The following WDFY3 variants were observed in gnomAD, a reference collection of about 807,000 sequenced individuals.
WDFY3 encodes WD repeat and FYVE domain containing 3, also known as WD repeat and FYVE domain-containing protein 3.
WDFY3 carries 66 observed loss-of-function variants against 409.6 expected under a neutral mutation model. That is an observed-to-expected ratio of 0.16 (90% CI 0.13 to 0.20). The LOEUF (loss-of-function observed/expected upper bound fraction) is 0.20. Among genes scored for constraint, WDFY3 ranks in the 10% least tolerant of loss-of-function variants. The pLI is 1.00. For missense variants in WDFY3, 3,031 were observed against 4,298.1 expected (o/e 0.71, Z 8.24); for synonymous variants, 1,521 against 1,537.1 (o/e 0.99, Z 0.25).
chr4:84,675,281 C>T (rs1201616411), intron 67 of WDFY3, among the ~76,000 whole-genome samples: 2 of 151,864 alleles, frequency 1.3e-5, no homozygotes, highest in African/African-American at 4.8e-5. Flanking sequence ...TAGAGCAGGC[C>T]TTTCAAAGCA....
intron 3 of WDFY3, among the ~76,000 whole-genome samples, chr4:84,885,526 T>C (rs1203108025): frequency 1.3e-5 from 2 of 152,038 alleles, no homozygotes; most frequent in African/African-American, 4.8e-5. Flanking sequence ...AGAAGATATT[T>C]AAAATATCCA....
chr4:84,708,880 C>T, intron 53 of WDFY3, 29 bp downstream of exon 53: 1 of 1,606,154 alleles, frequency 6.2e-7, no homozygotes, highest in African/African-American at 1.3e-5. Flanking sequence ...AAAATGTGTT[C>T]TACGTAAGCA....
chr4:84,684,066 A>G lies in WDFY3; in HGVS notation c.9603T>C (p.Pro3201=). ...YIHVWSINGN[P]IVSVNTFTGR... ...CTGTGAACGTGTTGACACTCACGAT[A>G]GGGTTCCCATTGATGCTCCACACAT... is the stretch of plus-strand genomic sequence containing the variant. The change falls in exon 63 of 68, where the codon CCT becomes CCC. Residue 3201 remains proline, a synonymous_variant. Transcript: ENST00000295888. 1 of 1,613,202 alleles carries G rather than the reference A, an allele frequency of 6.2e-7. No homozygotes were observed. Among genetic ancestry groups the G allele is most frequent in the South Asian group, 1.1e-5 (1 of 91,010 alleles).
chr4:84,935,158 C>G lies in WDFY3; in HGVS notation c.-225-2795G>C. Among the ~76,000 whole-genome samples the G allele has an allele frequency of 1.3e-5, 2 of 152,064 alleles. 1 individual carries two copies. Among genetic ancestry groups the G allele is most frequent in the Non-Finnish European group, 2.9e-5 (2 of 67,978 alleles). On this transcript the variant is annotated intron_variant, in intron 1 of 67. Transcript: ENST00000295888. ...ATTTTCCCCTCCAAGTTTTGTTTTGCTATTATGAACATTTATGTTATGAAA... is the reference window on the plus strand; with the variant it reads ...ATTTTCCCCTCCAAGTTTTGTTTTGGTATTATGAACATTTATGTTATGAAA...
At chr4:84,930,565 C>T (rs909492261) in intron 2 of WDFY3, among the ~76,000 whole-genome samples, 5 of 152,160 alleles carry the variant, frequency 3.3e-5, no homozygotes, top group Non-Finnish European at 7.4e-5. Context: ...AAGTAATTTA[C>T]CCAAAATCAC....
At chr4:84,726,937 C>A in intron 44 of WDFY3, 26 bp from the exon 45 acceptor site, 1 of 1,560,514 alleles carries the variant, frequency 6.4e-7, no homozygotes, top group Non-Finnish European at 8.6e-7. Context: ...TAAGTATAGA[C>A]ATATCAGAAA....
In WDFY3 at chr4:84,819,081, G is replaced by A. The variant is rs146371049; in HGVS notation, c.1693+1004C>T. Among the ~76,000 whole-genome samples the A allele has an allele frequency of 4.3e-3, 654 of 152,112 alleles. 4 individuals are homozygous for A. The highest frequency in any genetic ancestry group is 0.015 in the African/African-American group (612 of 41,532). ...TCCACTAAAATTCATCATACTCATT[G>A]TTTCAATTACCTGTTAAATTCATTC... On this transcript the variant is annotated intron_variant, in intron 12 of 67. Coordinates refer to ENST00000295888, the MANE Select transcript of WDFY3 (RefSeq NM_014991.6).
chr4:84,732,455 C>T (rs1449979470), intron 44 of WDFY3, among the ~76,000 whole-genome samples: 1 of 152,132 alleles, frequency 6.6e-6, no homozygotes, highest in Non-Finnish European at 1.5e-5. Flanking sequence ...ATTATAGTCA[C>T]TATGGAATGT....
chr4:84,718,411 C>T lies in WDFY3; in HGVS notation c.7754+11G>A. 1 of 1,609,876 alleles carries T rather than the reference C, an allele frequency of 6.2e-7. No individual in the cohort carries two copies. Among genetic ancestry groups the T allele is most frequent in the Non-Finnish European group, 8.5e-7 (1 of 1,178,182 alleles). ...TAGCCATACATTATGTCTCTTCATT[C>T]ATTTACTTACTTTGGAGGTAAGGTT... On this transcript the variant is annotated intron_variant, in intron 48 of 67. Coordinates refer to ENST00000295888, the MANE Select transcript of WDFY3 (RefSeq NM_014991.6).
At chr4:84,857,888 C>G (rs929952593) in intron 4 of WDFY3, among the ~76,000 whole-genome samples, 4 of 152,150 alleles carry the variant, frequency 2.6e-5, no homozygotes, top group African/African-American at 7.2e-5. Context: ...CACTCTTGCC[C>G]TTCTGCCTTA....
rs147343864 is a variant in WDFY3 at position 84,960,839 on chromosome 4, C to T, written c.-226+5370G>A. ...CTGAATGAATGATATCTTATTCCAA[C>T]GGGGCAACCCAGTATTCTACTACTG... On this transcript the variant is annotated intron_variant, in intron 1 of 67. Transcript: ENST00000295888. 4.6e-5 allele frequency among the ~76,000 whole-genome samples: 7 copies of T among 152,264 alleles called. No homozygotes were observed. The East Asian group carries it at 5.8e-4, about 13-fold the overall frequency.
Position 84,679,387 on chromosome 4 carries a change from G to C in WDFY3, c.9824-145C>G, listed in dbSNP as rs535465149. ...AAGTGTAACAAAAAAGAAAGTAAGT[G>C]CCAGGATTTTTGGCTAGAGTACAGA... On this transcript the variant is annotated intron_variant, in intron 64 of 67. Transcript: ENST00000295888. The C allele has an allele frequency of 3.6e-6, 3 of 844,930 alleles. No homozygotes were observed. In the African/African-American group the frequency reaches 5.3e-5, roughly 15 times the overall value. The allele number at this position is 844,930 out of a possible 1,614,324, so 52.3% of individuals were successfully genotyped here.
intron 8 of WDFY3, among the ~76,000 whole-genome samples, 191 bp downstream of exon 8, chr4:84,831,222 A>G (rs1486409764): frequency 6.6e-6 from 1 of 151,902 alleles, no homozygotes; most frequent in Non-Finnish European, 1.5e-5. Context: ...ATTGTTCAGA[A>G]CTTATGAGGA....
chr4:84,958,537 C>G (rs1174824326), intron 1 of WDFY3, among the ~76,000 whole-genome samples: 3 of 152,122 alleles, frequency 2.0e-5, no homozygotes, highest in African/African-American at 7.2e-5. Flanking sequence ...GCTAAGGGAA[C>G]ATCCAGGAGG....
At chr4:84,843,772 A>T (rs1009564711) in intron 5 of WDFY3, among the ~76,000 whole-genome samples, 1 of 152,150 alleles carries the variant, frequency 6.6e-6, no homozygotes, top group African/African-American at 2.4e-5. Flanking sequence ...GTGCTATCTT[A>T]AAAAATTATG....
intron 3 of WDFY3, among the ~76,000 whole-genome samples, chr4:84,873,863 G>A (rs1322648762): frequency 1.3e-5 from 2 of 151,584 alleles, no homozygotes; most frequent in African/African-American, 2.4e-5. Context: ...GCTCAGTGTA[G>A]CCTCAACCTC....
chr4:84,716,818 TAAAA>T, intron 49 of WDFY3, 74 bp downstream of exon 49: 2 of 1,222,920 alleles, frequency 1.6e-6, no homozygotes, highest in Non-Finnish European at 2.1e-6. Context: ...AAATAAAAAA[TAAAA>T]AATAAAATAA....
chr4:84,906,770 G>A (rs1767092614), intron 2 of WDFY3, among the ~76,000 whole-genome samples: 1 of 142,062 alleles, frequency 7.0e-6, no homozygotes, highest in Non-Finnish European at 1.5e-5. Flanking sequence ...GATATTTTGT[G>A]ATTTTTTTTT....
intron 25 of WDFY3, 41 bp downstream of exon 25, chr4:84,782,922 C>T (rs1421721725): frequency 2.5e-6 from 4 of 1,588,850 alleles, no homozygotes; most frequent in Non-Finnish European, 3.4e-6. Flanking sequence ...AACTTGATGG[C>T]AAATAAAGAA....
Sources: gnomAD v4.1 joint callset for allele counts (sites outside exome capture counted in the v4.1 genomes callset) on GRCh38, gnomAD v4.1.1 for gene constraint, MANE v1.5 for transcripts, NCBI Gene and HGNC (gene_info 2026-07-23, HGNC 2026-07-21) for gene names.